RORA: variants seen among roughly 807,000 people sequenced by gnomAD.
RORA encodes RAR related orphan receptor A.
A neutral mutation model predicts 69.5 loss-of-function variants in RORA; 7 were observed. That is an observed-to-expected ratio of 0.10 (90% confidence interval 0.06 to 0.19). The LOEUF (loss-of-function observed/expected upper bound fraction) is 0.19. RORA is among the 10% of genes least tolerant of loss of function. The pLI, the probability that RORA is intolerant of heterozygous loss-of-function variation, is 1.00. For missense variants in RORA, 457 were observed against 663.0 expected (o/e 0.69, Z 3.41); for synonymous variants, 261 against 240.8 (o/e 1.08, Z -0.78).
intron 1 of RORA, among the ~76,000 whole-genome samples, chr15:60,864,883 A>G (rs1043259081): frequency 1.3e-5 from 2 of 152,224 alleles, no homozygotes; most frequent in Admixed American, 6.5e-5. Flanking sequence ...AAAGTCACAG[A>G]GCACCAAGTA....
chr15:61,182,540 C>T (rs770537913), intron 1 of RORA, among the ~76,000 whole-genome samples: 9 of 152,154 alleles, frequency 5.9e-5, no homozygotes, highest in Non-Finnish European at 8.8e-5. Context: ...GACAGAGCAT[C>T]GCATGAAGCC....
intron 1 of RORA, among the ~76,000 whole-genome samples, chr15:61,144,356 T>C (rs1361551225): frequency 6.6e-6 from 1 of 152,200 alleles, no homozygotes; most frequent in South Asian, 2.1e-4. Flanking sequence ...TTTTTGGATG[T>C]AGGGTATTCC....
At chr15:60,623,301 T>G (rs572246618) in intron 2 of RORA, among the ~76,000 whole-genome samples, 56 of 152,268 alleles carry the variant, frequency 3.7e-4, no homozygotes, top group African/African-American at 1.3e-3. Context: ...TATTTAAAAT[T>G]CTTTAGTAAT....
intron 3 of RORA, among the ~76,000 whole-genome samples, chr15:60,527,043 G>A (rs1221246036): frequency 6.6e-6 from 1 of 152,184 alleles, no homozygotes. Context: ...CTTTGAATAA[G>A]ACATCATCTT....
intron 1 of RORA, among the ~76,000 whole-genome samples, chr15:60,764,491 T>C (rs1470394848): frequency 6.6e-6 from 1 of 152,274 alleles, no homozygotes; most frequent in East Asian, 1.9e-4. Context: ...AGTTTTTTTT[T>C]TATCTCTGGC....
intron 1 of RORA, among the ~76,000 whole-genome samples, chr15:60,908,848 G>A (rs1004016301): frequency 1.4e-4 from 22 of 151,874 alleles, no homozygotes; most frequent in African/African-American, 4.3e-4. Flanking sequence ...GAAGATGGGC[G>A]TTCTTTTACT....
At chr15:61,047,011 C>A (rs1320597150) in intron 1 of RORA, among the ~76,000 whole-genome samples, 1 of 152,250 alleles carries the variant, frequency 6.6e-6, no homozygotes, top group Non-Finnish European at 1.5e-5. Flanking sequence ...GCTGAGGCAG[C>A]TCTACCTAGT....
chr15:60,946,978 G>T (rs1197596928), intron 1 of RORA, among the ~76,000 whole-genome samples: 3 of 151,954 alleles, frequency 2.0e-5, no homozygotes, highest in African/African-American at 7.2e-5. Context: ...GAAGTGAGGA[G>T]CCCCTCCGTC....
intron 2 of RORA, among the ~76,000 whole-genome samples, chr15:60,589,454 G>A (rs2068434867): frequency 3.3e-5 from 5 of 152,214 alleles, no homozygotes; most frequent in Admixed American, 3.3e-4. Flanking sequence ...TGAAACTGAT[G>A]AACGTCTTAC....
In RORA at chr15:61,091,806, T is replaced by G. The variant is rs115711443; in HGVS notation, c.166+137247A>C. 3.6e-3 allele frequency among the ~76,000 whole-genome samples: 549 copies of G among 152,328 alleles called. 5 individuals carry two copies. Among genetic ancestry groups the G allele is most frequent in the African/African-American group, 0.013 (536 of 41,576 alleles). ...ATTAGAAATGTAAGTACTGCTTGTG[T>G]GTATTCATAGGCAAGGGAAAAGATA... On this transcript the variant is annotated intron_variant, in intron 1 of 10. Transcript: ENST00000335670.
At chr15:60,638,376 A>G (rs1457799535) in intron 2 of RORA, among the ~76,000 whole-genome samples, 4 of 123,496 alleles carry the variant, frequency 3.2e-5, no homozygotes, top group African/African-American at 1.3e-4. Flanking sequence ...ATTTAACTGT[A>G]TTTTCTTTTC....
intron 1 of RORA, among the ~76,000 whole-genome samples, chr15:60,925,261 TG>T (rs1892179680): frequency 6.6e-6 from 1 of 152,166 alleles, no homozygotes; most frequent in Non-Finnish European, 1.5e-5. Flanking sequence ...GTCAGTTTCT[TG>T]GTGCTGGAAC....
At chr15:61,150,383 C>T (rs1317872370) in intron 1 of RORA, among the ~76,000 whole-genome samples, 1 of 151,810 alleles carries the variant, frequency 6.6e-6, no homozygotes, top group East Asian at 1.9e-4. Flanking sequence ...CACACATGAA[C>T]ATTCACAAAT....
chr15:60,652,110 C>CT (rs796682420), intron 2 of RORA, among the ~76,000 whole-genome samples: 1,778 of 144,796 alleles, frequency 0.012, 29 homozygotes, highest in African/African-American at 0.039. Context: ...AGCAGACTGC[C>CT]TTTTTTTTTT....
chr15:60,652,183 G>GACC (rs1433745241), intron 2 of RORA, among the ~76,000 whole-genome samples: 10 of 151,884 alleles, frequency 6.6e-5, no homozygotes, highest in Admixed American at 3.9e-4. Context: ...AGTTCTGGCA[G>GACC]ACCTTGATTT....
At chr15:60,894,172 C>T (rs565779958) in intron 1 of RORA, among the ~76,000 whole-genome samples, 23 of 152,318 alleles carry the variant, frequency 1.5e-4, no homozygotes, top group South Asian at 4.1e-4. Flanking sequence ...GAGCCCTCAC[C>T]GCTTCACTTT....
chr15:60,760,405 G>A (rs1172006905), intron 1 of RORA, among the ~76,000 whole-genome samples: 1 of 152,152 alleles, frequency 6.6e-6, no homozygotes, highest in African/African-American at 2.4e-5. Flanking sequence ...TATGAATTTA[G>A]CTGGTAAATC....
intron 1 of RORA, among the ~76,000 whole-genome samples, chr15:61,040,157 TATATATAA>T (rs1349205179): frequency 2.5e-5 from 3 of 119,102 alleles, no homozygotes; most frequent in Non-Finnish European, 3.5e-5. Flanking sequence ...TATATATATA[TATATATAA>T]AATATATGAA....
intron 1 of RORA, among the ~76,000 whole-genome samples, chr15:60,937,171 T>C (rs1034763763): frequency 1.4e-4 from 22 of 152,154 alleles, no homozygotes; most frequent in African/African-American, 4.8e-4. Context: ...AAGCCAAAGT[T>C]AGAACCCAAA....
Sources: allele counts gnomAD v4.1 joint callset (sites outside exome capture counted in the v4.1 genomes callset), GRCh38; gene constraint gnomAD v4.1.1; transcripts MANE v1.5; gene names NCBI Gene and HGNC (gene_info 2026-07-23, HGNC 2026-07-21).